Variants in MAD1L1 observed in about 807,000 individuals in gnomAD.
MAD1L1 encodes mitotic spindle assembly checkpoint protein MAD1.
A neutral mutation model predicts 96.9 loss-of-function variants in MAD1L1; 95 were observed. The observed-to-expected ratio is 0.98, with a 90% CI of 0.83 to 1.16. MAD1L1 has a LOEUF of 1.16. Ranked by LOEUF, MAD1L1 falls within the 50% of genes most tolerant of loss-of-function variation. The pLI is 0.00. For synonymous variants in MAD1L1, 473 were observed against 396.6 expected, an observed-to-expected ratio of 1.19 and a Z score of -2.29; for missense variants, 1,007 against 954.4, an observed-to-expected ratio of 1.06 and a Z score of -0.73.
intron 16 of MAD1L1, among the ~76,000 whole-genome samples, chr7:1,957,170 C>A (rs1583912855): frequency 1.3e-5 from 2 of 152,194 alleles, no homozygotes; most frequent in African/African-American, 2.4e-5. Flanking sequence ...AGAAACTGGT[C>A]ATAAAAAATA....
chr7:1,883,371 A>T (rs1379884619), intron 18 of MAD1L1, among the ~76,000 whole-genome samples: 1 of 152,220 alleles, frequency 6.6e-6, no homozygotes, highest in Non-Finnish European at 1.5e-5. Context: ...TGTGACTCAC[A>T]AACGGCCCCG....
Position 2,119,579 on chromosome 7 carries a change from G to A in MAD1L1, c.1073+29573C>T, listed in dbSNP as rs11767038. On this transcript the variant is annotated intron_variant, in intron 11 of 18. Transcript: ENST00000265854. The surrounding 1 kb of genome is among the most constrained non-coding windows in gnomAD (Gnocchi z 4.6). ...CACGTGCCCGAGCTCTGACCCACAT[G>A]CAGACATCAGAGGCCTCCAAGCCCT... Among the ~76,000 whole-genome samples, 37,846 of 152,166 alleles carry A rather than the reference G, an allele frequency of 0.25. 5,738 individuals carry two copies. The highest frequency in any genetic ancestry group is 0.34 in the Non-Finnish European group (23,053 of 67,960).
chr7:1,821,478 G>A (rs1176149856), intron 18 of MAD1L1, among the ~76,000 whole-genome samples: 4 of 152,046 alleles, frequency 2.6e-5, no homozygotes, highest in Non-Finnish European at 4.4e-5. Flanking sequence ...AGGATGGTGC[G>A]CACACAAAGA....
At position 2,116,851 on chromosome 7, in the gene MAD1L1, G is replaced by A. The variant is rs889291646; in HGVS notation, c.1073+32301C>T. 3.9e-5 allele frequency among the ~76,000 whole-genome samples: 6 copies of A among 152,322 alleles called. 1 individual carries two copies. Among genetic ancestry groups the A allele is most frequent in the African/African-American group, 9.6e-5 (4 of 41,570 alleles). ...GCACCCTGCCTCTGCAGGCCTGGGCGGTGCTGCACAAAGTCCCAGGAGATC... is the reference window on the plus strand; with the variant it reads ...GCACCCTGCCTCTGCAGGCCTGGGCAGTGCTGCACAAAGTCCCAGGAGATC... On this transcript the variant is annotated intron_variant, in intron 11 of 18. Transcript: ENST00000265854.
chr7:1,840,488 G>A (rs1014876062), intron 18 of MAD1L1, among the ~76,000 whole-genome samples: 1 of 152,196 alleles, frequency 6.6e-6, no homozygotes, highest in African/African-American at 2.4e-5. Flanking sequence ...CCAGCACTTT[G>A]GGAGGCCAAG....
chr7:2,209,056 C>T (rs1792749711), intron 10 of MAD1L1, among the ~76,000 whole-genome samples: 1 of 152,210 alleles, frequency 6.6e-6, no homozygotes, highest in South Asian at 2.1e-4. Flanking sequence ...CGCACTGTGT[C>T]CCTCCTTGCC....
At chr7:2,012,894 C>A (rs1464117516) in intron 13 of MAD1L1, among the ~76,000 whole-genome samples, 1 of 152,210 alleles carries the variant, frequency 6.6e-6, no homozygotes, top group African/African-American at 2.4e-5. Flanking sequence ...CTCTAAACCA[C>A]TGAACCATCT....
chr7:1,860,948 G>C (rs1784514613), intron 18 of MAD1L1, among the ~76,000 whole-genome samples: 1 of 152,190 alleles, frequency 6.6e-6, no homozygotes, highest in Admixed American at 6.5e-5. Flanking sequence ...TCTGGGTCTT[G>C]CCTGGAGGGG....
In MAD1L1 at chr7:1,936,781, C is replaced by T; in HGVS notation, c.1713G>A (p.Leu571=). The part of the protein sequence containing the change: ...HSQLQAECER[L]RGLLRAMERG... ...TCTCCATGGCGCGCAGGAGCCCGCG[C>T]AGTCGCTCGCACTCCGCCTGCAGCT... The change falls in exon 17 of 19, where the codon CTG becomes CTA. Residue 571 remains leucine, a synonymous_variant. Coordinates refer to ENST00000265854, the MANE Select transcript of MAD1L1 (RefSeq NM_001013836.2). 6.3e-7 allele frequency: 1 copy of T among 1,579,516 alleles called. No homozygotes were observed. Among genetic ancestry groups the T allele is most frequent in the East Asian group, 2.3e-5 (1 of 43,046 alleles).
chr7:1,875,124 C>T (rs1785314639), intron 18 of MAD1L1, among the ~76,000 whole-genome samples: 1 of 152,168 alleles, frequency 6.6e-6, no homozygotes, highest in African/African-American at 2.4e-5. Context: ...CCAGAGACGA[C>T]TAACGAGCAG....
At chr7:2,024,325 G>A (rs968078953) in intron 12 of MAD1L1, among the ~76,000 whole-genome samples, 3 of 152,176 alleles carry the variant, frequency 2.0e-5, no homozygotes, top group African/African-American at 4.8e-5. Context: ...CACATGAATC[G>A]GTCTTTCTAG....
At chr7:1,940,268 C>G (rs768622588) in intron 16 of MAD1L1, 25 of 152,334 alleles carry the variant, frequency 1.6e-4, no homozygotes, top group African/African-American at 5.8e-4. Flanking sequence ...GCCGCTGGGC[C>G]GGGGCAGGAG....
chr7:1,823,481 C>T (rs1020439001), intron 18 of MAD1L1, among the ~76,000 whole-genome samples: 2 of 152,146 alleles, frequency 1.3e-5, no homozygotes, highest in South Asian at 4.1e-4. Flanking sequence ...AGGGCGCCAG[C>T]GTCTCCCTGC....
At chr7:1,873,721 G>A (rs1307113603) in intron 18 of MAD1L1, among the ~76,000 whole-genome samples, 1 of 152,094 alleles carries the variant, frequency 6.6e-6, no homozygotes, top group African/African-American at 2.4e-5. Flanking sequence ...GATGTGCCCT[G>A]ACAAGGGCCG....
intron 11 of MAD1L1, among the ~76,000 whole-genome samples, chr7:2,116,856 T>A (rs1318971080): frequency 6.6e-6 from 1 of 152,204 alleles, no homozygotes; most frequent in African/African-American, 2.4e-5. Flanking sequence ...TGGGCGGTGC[T>A]GCACAAAGTC....
At chr7:1,896,643 G>A (rs902000594) in intron 18 of MAD1L1, among the ~76,000 whole-genome samples, 45 of 152,216 alleles carry the variant, frequency 3.0e-4, no homozygotes, top group African/African-American at 1.0e-3. Context: ...GCCACCTTTC[G>A]CGGGAAGATG....
At chr7:2,062,743 G>C (rs1784717244) in intron 12 of MAD1L1, among the ~76,000 whole-genome samples, 1 of 152,162 alleles carries the variant, frequency 6.6e-6, no homozygotes, top group Non-Finnish European at 1.5e-5. Context: ...GGAGACTACT[G>C]AGAACAAGCC....
Position 1,957,616 on chromosome 7 carries a change from G to A in MAD1L1, c.1596+13C>T. 1 of 1,613,376 alleles carries A rather than the reference G, an allele frequency of 6.2e-7. No individual in the cohort carries two copies. Among genetic ancestry groups the A allele is most frequent in the Non-Finnish European group, 8.5e-7 (1 of 1,179,776 alleles). The stretch of plus-strand genomic sequence containing the variant: ...CCAGGCAGTGCCTCACCCAGAGGCT[G>A]CCCCGCCCTCACCTGCAGAGCTCGC... On this transcript the variant is annotated intron_variant, in intron 16 of 18. Coordinates refer to ENST00000265854, the MANE Select transcript of MAD1L1 (RefSeq NM_001013836.2).
At chr7:1,900,723 T>A (rs529107357) in intron 17 of MAD1L1, among the ~76,000 whole-genome samples, 6 of 152,272 alleles carry the variant, frequency 3.9e-5, no homozygotes, top group African/African-American at 1.4e-4. Flanking sequence ...CTTTGATAGA[T>A]CTCAGGCGTC....
Sources: allele counts gnomAD v4.1 joint callset (sites outside exome capture counted in the v4.1 genomes callset), GRCh38; gene constraint gnomAD v4.1.1; non-coding constraint Gnocchi (gnomAD v3.1); transcripts MANE v1.5; gene names NCBI Gene and HGNC (gene_info 2026-07-23, HGNC 2026-07-21).